Variants in CNGB1 observed in about 807,000 individuals in gnomAD.
CNGB1 encodes cyclic nucleotide gated channel subunit beta 1, also known as cyclic nucleotide-gated channel beta-1.
A neutral mutation model predicts 151.7 loss-of-function variants in CNGB1; 126 were observed. That is an observed-to-expected ratio of 0.83 (90% CI 0.72 to 0.96). CNGB1 has a LOEUF of 0.96. Among genes scored for constraint, CNGB1 ranks in the 40% least tolerant of loss-of-function variants. The probability of loss-of-function intolerance (pLI) is 0.00; values close to 1 mark genes in which losing one functional copy is unlikely to be tolerated. For synonymous variants in CNGB1, 623 were observed against 635.1 expected, an observed-to-expected ratio of 0.98 and a Z score of 0.29; for missense variants, 1,698 against 1,627.0, an observed-to-expected ratio of 1.04 and a Z score of -0.75.
intron 2 of CNGB1, 23 bp from the exon 3 acceptor site, chr16:57,964,567 T>C: frequency 1.2e-6 from 2 of 1,613,942 alleles, no homozygotes; most frequent in Non-Finnish European, 1.7e-6. Flanking sequence ...AACAGGATCA[T>C]GTAAGTCCTA....
chr16:57,904,283 A>G (rs1960476631), intron 26 of CNGB1, among the ~76,000 whole-genome samples: 1 of 152,100 alleles, frequency 6.6e-6, no homozygotes, highest in South Asian at 2.1e-4. Context: ...GGTACAATAC[A>G]GTTCCTCGGT....
In CNGB1 at chr16:57,901,662, C is replaced by G. The variant is rs181968363; in HGVS notation, c.2795-37G>C. On this transcript the variant is annotated intron_variant, in intron 27 of 32. Coordinates refer to ENST00000251102, the MANE Select transcript of CNGB1 (RefSeq NM_001297.5). The stretch of plus-strand genomic sequence containing the variant: ...GCCTGGCAAGGGTCAGAGGCAAGGC[C>G]GGGCCCCACCCCAGACATACATACC... 3 of 1,571,172 alleles carry G rather than the reference C, an allele frequency of 1.9e-6. No individual in the cohort carries two copies. The African/African-American group carries it at 4.1e-5, about 21-fold the overall frequency.
In CNGB1 at chr16:57,882,799, C is replaced by CTTTTTTTTT. The variant is rs71155213; in HGVS notation, c.*1356_*1364dup. On this transcript the variant is annotated 3_prime_UTR_variant, in exon 33 of 33. Coordinates refer to ENST00000251102, the MANE Select transcript of CNGB1 (RefSeq NM_001297.5). ...CCTTTTTTCTTTTTTTTTCTTTTTT[C>CTTTTTTTTT]TTTTTTTTTTTTTGTCTGAATCATA... The CTTTTTTTTT allele has an allele frequency of 2.9e-5, 4 of 136,068 alleles. No individual in the cohort carries two copies. The highest frequency in any genetic ancestry group is 8.2e-5 in the African/African-American group (3 of 36,726). 8.4% of individuals were successfully genotyped at this position (136,068 alleles called of 1,614,324 possible). A position where few individuals can be genotyped will look rare whatever the true frequency, so the allele number is the denominator to read the frequency against.
intron 17 of CNGB1, among the ~76,000 whole-genome samples, chr16:57,930,459 A>C (rs1391173260): frequency 6.7e-6 from 1 of 149,732 alleles, no homozygotes; most frequent in African/African-American, 2.5e-5. Context: ...ACACCACTGC[A>C]CTCCAACCTG....
At chr16:57,898,730 G>A (rs1246991200) in intron 29 of CNGB1, among the ~76,000 whole-genome samples, 1 of 152,058 alleles carries the variant, frequency 6.6e-6, no homozygotes, top group Non-Finnish European at 1.5e-5. Context: ...ATTGCTTTAT[G>A]CAGTGTACTA....
chr16:57,931,734 G>C lies in CNGB1; in HGVS notation c.1517C>G (p.Ser506Ter), dbSNP rs1961354332. Residue 506 changes from serine (S) to a stop codon, truncating the protein, a stop_gained, in exon 17 of 33, where the codon TCA becomes TGA. Transcript: ENST00000251102. LOFTEE classifies it high-confidence loss of function. ...AKSDTLIVPSSASGTHRKKLP... is the reference protein window; with the variant it reads ...AKSDTLIVPS ...AGGTAACCTGTGTGTCCCCGAGGCT[G>C]AGCTTGGGACTATAAGGGTGTCTGA... 2 of 1,614,178 alleles carry C rather than the reference G, an allele frequency of 1.2e-6. No homozygotes were observed. The highest frequency in any genetic ancestry group is 2.7e-5 in the African/African-American group (2 of 75,042).
At chr16:57,936,856 A>C (rs913280750) in intron 16 of CNGB1, among the ~76,000 whole-genome samples, 1 of 152,154 alleles carries the variant, frequency 6.6e-6, no homozygotes, top group African/African-American at 2.4e-5. Flanking sequence ...GAAAAAAATA[A>C]ATGAATTGCT....
rs758363643 is a variant in CNGB1 at position 57,911,894 on chromosome 16, G to A, written c.2370-19C>T. The stretch of plus-strand genomic sequence containing the variant: ...GATGACCCTGCAGAAGGAACACAGC[G>A]CATGAACACAGCGGCGGAAGGGGGA... On this transcript the variant is annotated intron_variant, in intron 24 of 32. Coordinates refer to ENST00000251102, the MANE Select transcript of CNGB1 (RefSeq NM_001297.5). The A allele has an allele frequency of 1.1e-4, 182 of 1,612,538 alleles. No homozygotes were observed. The Admixed American group carries it at 2.3e-3, about 20-fold the overall frequency.
rs561782993 is a variant in CNGB1 at position 57,912,714 on chromosome 16, C to T, written c.2369+216G>A. Among the ~76,000 whole-genome samples, 252 of 146,086 alleles carry T rather than the reference C, an allele frequency of 1.7e-3. 2 individuals carry two copies. The highest frequency in any genetic ancestry group is 6.0e-3 in the African/African-American group (236 of 39,248). ...ATCTCTGTTGTGTGTGTGTTGTGCA[C>T]GTATGTATGTGTTGTGTGTTGTGTG... On this transcript the variant is annotated intron_variant, in intron 24 of 32. Coordinates refer to ENST00000251102, the MANE Select transcript of CNGB1 (RefSeq NM_001297.5).
At chr16:57,904,043 C>G in intron 26 of CNGB1, 62 bp from the exon 27 acceptor site, 1 of 1,535,270 alleles carries the variant, frequency 6.5e-7, no homozygotes, top group Admixed American at 1.8e-5. Context: ...GGCGCTATTC[C>G]ATGGATTTGG....
In CNGB1 at chr16:57,904,868, G is replaced by T. The variant is rs373592537; in HGVS notation, c.2500C>A (p.Arg834Ser). 2.5e-6 allele frequency: 4 copies of T among 1,614,034 alleles called. No individual in the cohort carries two copies. Among genetic ancestry groups the T allele is most frequent in the Non-Finnish European group, 2.5e-6 (3 of 1,180,036 alleles). The change falls in exon 26 of 33, where the codon CGC (arginine) becomes AGC (serine). Residue 834 changes from arginine to serine, a missense_variant. Arg to Ser is a moderately radical substitution (Grantham distance 110). Transcript: ENST00000251102. ...VYDGVGNSYI[R>S]CYYFAVKTLI... ...GTCTTCACAGCAAAGTAGTAACAGC[G>T]AATATAACTGGAGAGAGAGGAGAAA...
chr16:57,959,834 A>C, intron 10 of CNGB1, 54 bp downstream of exon 10: 1 of 1,439,756 alleles, frequency 6.9e-7, no homozygotes, highest in South Asian at 1.5e-5. Flanking sequence ...TTAGGCGGGG[A>C]CAAGGTGCTC....
In CNGB1 at chr16:57,920,435, T is replaced by G. The variant is rs1359680268; in HGVS notation, c.1753A>C (p.Lys585Gln). 2 of 1,614,070 alleles carry G rather than the reference T, an allele frequency of 1.2e-6. No individual in the cohort carries two copies. The highest frequency in any genetic ancestry group is 4.5e-5 in the East Asian group (2 of 44,898). ...GAGGTGACGTCAGGGTCAATGAGTT[T>G]CTCCTTCACTTTCTCTGTCCGCTCC... ...FKERTEKVKE[K>Q]LIDPDVTSDE... is the part of the protein sequence containing the mutation. Residue 585 changes from lysine (K) to glutamine (Q), a missense_variant, in exon 19 of 33, where the codon AAA becomes CAA. By Grantham distance (53) the Lys-to-Gln change is moderately conservative. Coordinates refer to ENST00000251102, the MANE Select transcript of CNGB1 (RefSeq NM_001297.5).
chr16:57,898,781 C>T (rs1402213399), intron 29 of CNGB1, among the ~76,000 whole-genome samples: 1 of 152,134 alleles, frequency 6.6e-6, no homozygotes, highest in Admixed American at 6.5e-5. Flanking sequence ...CACTCTTTGC[C>T]CAAGAGCTGG....
chr16:57,885,570 CTCTCTCTCTT>C (rs1322681790), intron 32 of CNGB1, among the ~76,000 whole-genome samples: 5 of 101,398 alleles, frequency 4.9e-5, no homozygotes, highest in Non-Finnish European at 8.0e-5. Context: ...CTCTCTCTCT[CTCTCTCTCTT>C]TCTTTCTTTC....
Position 57,904,739 on chromosome 16 carries a change from C to T in CNGB1, c.2629G>A (p.Gly877Arg), listed in dbSNP as rs200963831. 121 of 1,613,948 alleles carry T rather than the reference C, an allele frequency of 7.5e-5. No homozygotes were observed. The highest frequency in any genetic ancestry group is 3.3e-4 in the Middle Eastern group (2 of 6,038). ...TGVFAFSVMIGQMRDVVGAAT... is the reference protein window; with the variant it reads ...TGVFAFSVMIRQMRDVVGAAT... ...CTGGGCTGGTGCCCCGATACCTGTC[C>T]GATCATCACAGAGAAAGCAAAGACG... Residue 877 changes from glycine to arginine, a missense_variant, in exon 26 of 33, where the codon GGA becomes AGA. By Grantham distance (125) the Gly-to-Arg change is moderately radical (BLOSUM62 -2). Transcript: ENST00000251102.
At chr16:57,947,777 G>A (rs1260329684) in intron 14 of CNGB1, among the ~76,000 whole-genome samples, 14 of 152,180 alleles carry the variant, frequency 9.2e-5, no homozygotes, top group African/African-American at 3.1e-4. Context: ...ACTGGGGGAC[G>A]AGAACATCAG....
intron 10 of CNGB1, among the ~76,000 whole-genome samples, chr16:57,959,454 A>G (rs138961420): frequency 0.029 from 4,348 of 152,234 alleles, 184 homozygotes; most frequent in African/African-American, 0.099. Context: ...TCTCTACTAA[A>G]AATACAAAAG....
chr16:57,958,381 G>A, intron 11 of CNGB1, 29 bp downstream of exon 11: 1 of 1,457,930 alleles, frequency 6.9e-7, no homozygotes, highest in Non-Finnish European at 9.1e-7. Context: ...CCACCACCAG[G>A]GCCACCACTC....
Sources: gnomAD v4.1 joint callset for allele counts (sites outside exome capture counted in the v4.1 genomes callset) on GRCh38, gnomAD v4.1.1 for gene constraint, MANE v1.5 for transcripts, NCBI Gene and HGNC (gene_info 2026-07-23, HGNC 2026-07-21) for gene names.